ZFHX3: variants seen among roughly 807,000 people sequenced by gnomAD.
The protein encoded by ZFHX3 is zinc finger homeobox protein 3.
ZFHX3 carries 42 observed loss-of-function variants against 279.1 expected under a neutral mutation model. The observed-to-expected ratio is 0.15, with a 90% CI of 0.12 to 0.19. The LOEUF is 0.19. Ranked by LOEUF, ZFHX3 falls within the 10% of genes least tolerant of loss-of-function variation. The pLI, the probability that ZFHX3 is intolerant of heterozygous loss-of-function variation, is 1.00. For synonymous variants in ZFHX3, 2,293 were observed against 1,957.8 expected (o/e 1.17, Z -4.52); for missense variants, 4,981 against 4,754.0 (o/e 1.05, Z -1.40).
At position 73,430,763 on chromosome 16, in the gene ZFHX3, T is replaced by A. The variant is rs61374269; in HGVS notation, c.-1291+25240A>T. Among the ~76,000 whole-genome samples the A allele has an allele frequency of 1.6e-3, 242 of 152,330 alleles. 1 individual carries two copies. Among genetic ancestry groups the A allele is most frequent in the African/African-American group, 5.5e-3 (228 of 41,578 alleles). ...TACACACTTAGGACAATGTCTGGCA[T>A]GAAGTAAGTGGCCAGTGCATTGAAC... is the stretch of plus-strand genomic sequence containing the variant. On this transcript the variant is annotated intron_variant, in intron 3 of 17. Coordinates refer to the ZFHX3 transcript ENST00000641206.
intron 3 of ZFHX3, among the ~76,000 whole-genome samples, chr16:73,416,193 A>G (rs1301781728): frequency 1.3e-5 from 2 of 151,954 alleles, no homozygotes; most frequent in Non-Finnish European, 2.9e-5. Context: ...AGCTCAAAGG[A>G]CAGTGACTTG....
rs573784489 is a variant in ZFHX3 at position 73,183,415 on chromosome 16, T to C, written c.-1103-39584A>G. ...AAAGGCAGCAGTGGATAATAAAATG[T>C]CTGGAGAATGATCCTGGCTTGCTCT... On this transcript the variant is annotated intron_variant, in intron 5 of 17. Coordinates refer to the ZFHX3 transcript ENST00000641206. Among the ~76,000 whole-genome samples, 4 of 152,304 alleles carry C rather than the reference T, an allele frequency of 2.6e-5. 1 individual carries two copies. The South Asian group carries it at 8.3e-4, about 32-fold the overall frequency.
chr16:73,164,560 C>T (rs777257510), intron 5 of ZFHX3, among the ~76,000 whole-genome samples: 8 of 152,022 alleles, frequency 5.3e-5, no homozygotes, highest in Non-Finnish European at 8.8e-5. Context: ...ACTAGCCAGG[C>T]GCAGTGGCAT....
intron 1 of ZFHX3, among the ~76,000 whole-genome samples, chr16:73,838,617 A>G (rs959970319): frequency 2.6e-5 from 4 of 152,186 alleles, no homozygotes; most frequent in African/African-American, 9.6e-5. Context: ...GGAGTCAGGT[A>G]TCAACAGGTC....
At chr16:73,648,579 G>C (rs973979279) in intron 2 of ZFHX3, among the ~76,000 whole-genome samples, 1 of 151,898 alleles carries the variant, frequency 6.6e-6, no homozygotes, top group Non-Finnish European at 1.5e-5. Context: ...TGTTTGTTTT[G>C]TTTTGTTTTT....
At chr16:73,015,131 C>G (rs1346925822) in intron 1 of ZFHX3, 1 of 146,258 alleles carries the variant, frequency 6.8e-6, no homozygotes, top group East Asian at 2.1e-4. Flanking sequence ...ACTGTACCCT[C>G]TACCTCCCGG....
chr16:73,210,733 T>C (rs887607422), intron 5 of ZFHX3, among the ~76,000 whole-genome samples: 1 of 152,118 alleles, frequency 6.6e-6, no homozygotes, highest in African/African-American at 2.4e-5. Context: ...ATTAATCCTC[T>C]CTCAGAGTCA....
chr16:73,056,373 C>G (rs1304869001), intron 1 of ZFHX3, among the ~76,000 whole-genome samples: 1 of 151,668 alleles, frequency 6.6e-6, no homozygotes, highest in Non-Finnish European at 1.5e-5. Flanking sequence ...TATACCTGCA[C>G]TAGTTAAAAA....
At chr16:73,416,745 G>T (rs934783153) in intron 3 of ZFHX3, among the ~76,000 whole-genome samples, 1 of 147,974 alleles carries the variant, frequency 6.8e-6, no homozygotes, top group Admixed American at 6.7e-5. Context: ...GCGGTGGCGG[G>T]CGCCTGTAGT....
intron 1 of ZFHX3, among the ~76,000 whole-genome samples, chr16:73,834,233 T>G (rs533284125): frequency 2.8e-4 from 42 of 152,224 alleles, no homozygotes; most frequent in Non-Finnish European, 5.1e-4. Context: ...ACACATTTCT[T>G]CATCTCATGG....
intron 2 of ZFHX3, among the ~76,000 whole-genome samples, chr16:73,639,433 A>G (rs1020030156): frequency 2.0e-5 from 3 of 152,174 alleles, no homozygotes; most frequent in African/African-American, 7.2e-5. Context: ...CAGTAGCCCC[A>G]TAAGGTTCAA....
chr16:73,726,229 G>A (rs1205547907), intron 1 of ZFHX3, among the ~76,000 whole-genome samples: 1 of 152,230 alleles, frequency 6.6e-6, no homozygotes. Flanking sequence ...TTCCAACACA[G>A]TGGGGCTGGC....
At chr16:72,869,848 C>T (rs1324149723) in intron 4 of ZFHX3, among the ~76,000 whole-genome samples, 1 of 152,098 alleles carries the variant, frequency 6.6e-6, no homozygotes, top group Non-Finnish European at 1.5e-5. Flanking sequence ...AATGGATAAC[C>T]CCAGAAGGAA....
intron 4 of ZFHX3, among the ~76,000 whole-genome samples, chr16:72,872,871 G>A (rs1288937507): frequency 6.6e-6 from 1 of 152,216 alleles, no homozygotes; most frequent in African/African-American, 2.4e-5. Flanking sequence ...GAAGAAAATG[G>A]GATTGCAATT....
At chr16:73,159,816 G>T (rs1229800405) in intron 5 of ZFHX3, among the ~76,000 whole-genome samples, 2 of 152,164 alleles carry the variant, frequency 1.3e-5, no homozygotes, top group Non-Finnish European at 1.5e-5. Context: ...AGGCTGGAGT[G>T]CAGTGGCATG....
At chr16:73,256,375 C>T (rs565476908) in intron 5 of ZFHX3, among the ~76,000 whole-genome samples, 2 of 152,306 alleles carry the variant, frequency 1.3e-5, no homozygotes, top group South Asian at 4.1e-4. Context: ...TGGTGCAGGC[C>T]TAGCTCATCA....
Position 73,155,087 on chromosome 16 carries a change from G to A in ZFHX3, c.-1103-11256C>T, listed in dbSNP as rs9938034. Among the ~76,000 whole-genome samples, 70 of 150,622 alleles carry A rather than the reference G, an allele frequency of 4.6e-4. 1 individual carries two copies. Among genetic ancestry groups the A allele is most frequent in the African/African-American group, 1.7e-3 (68 of 41,046 alleles). On this transcript the variant is annotated intron_variant, in intron 5 of 17. Coordinates refer to the ZFHX3 transcript ENST00000641206. ...ACTCAGAGGTTGAGGCACAAGAATC[G>A]CTTGAATGTGGGAGGCAGAGGTTGC...
chr16:73,114,395 GT>G (rs1294266148), intron 7 of ZFHX3, among the ~76,000 whole-genome samples: 1 of 152,122 alleles, frequency 6.6e-6, no homozygotes, highest in Non-Finnish European at 1.5e-5. Flanking sequence ...TGGGTAAACT[GT>G]CAGTCATGGT....
chr16:73,094,292 G>C (rs1365645090), intron 7 of ZFHX3, among the ~76,000 whole-genome samples: 5 of 152,214 alleles, frequency 3.3e-5, no homozygotes, highest in Non-Finnish European at 7.3e-5. Flanking sequence ...GATCTGAACA[G>C]TAAGAAGCCT....
Sources: allele counts gnomAD v4.1 joint callset (sites outside exome capture counted in the v4.1 genomes callset), GRCh38; gene constraint gnomAD v4.1.1; transcripts MANE v1.5; gene names NCBI Gene and HGNC (gene_info 2026-07-23, HGNC 2026-07-21).